The following CROT variants were observed in gnomAD, a reference collection of about 807,000 sequenced individuals.
The protein encoded by CROT is carnitine O-octanoyltransferase.
In CROT, 84 loss-of-function variants were observed where a neutral mutation model predicts 89.2. The observed-to-expected ratio is 0.94, with a 90% CI of 0.79 to 1.13. The LOEUF is 1.13. CROT is among the 50% of genes most tolerant of loss of function. The pLI is 0.00. For synonymous variants in CROT, 212 were observed against 239.5 expected (o/e 0.89, Z 1.06); for missense variants, 711 against 727.8 (o/e 0.98, Z 0.27).
rs537295978 is a variant in CROT at position 87,355,168 on chromosome 7, C to T, written c.116-4038C>T. 4.0e-4 allele frequency among the ~76,000 whole-genome samples: 60 copies of T among 151,846 alleles called. 1 individual carries two copies. The highest frequency in any genetic ancestry group is 6.2e-4 in the South Asian group (3 of 4,816). On this transcript the variant is annotated intron_variant, in intron 3 of 17. Transcript: ENST00000331536. ...AGGCTAGAGTGCAGTGGCAAATTCA[C>T]GGCTCATTGCAGCCTTGACAGCCCA...
chr7:87,394,694 A>C (rs1807468265), intron 17 of CROT, among the ~76,000 whole-genome samples: 1 of 152,162 alleles, frequency 6.6e-6, no homozygotes, highest in African/African-American at 2.4e-5. Flanking sequence ...TATAGCAAAA[A>C]AAATGCCTTT....
At chr7:87,392,923 A>C in intron 16 of CROT, 25 bp from the exon 17 acceptor site, 1 of 1,612,846 alleles carries the variant, frequency 6.2e-7, no homozygotes, top group Non-Finnish European at 8.5e-7. Context: ...GGCCTAGTAA[A>C]ATGTTCTTTT....
At chr7:87,351,909 C>T (rs976740458) in intron 3 of CROT, among the ~76,000 whole-genome samples, 2 of 152,196 alleles carry the variant, frequency 1.3e-5, no homozygotes, top group African/African-American at 2.4e-5. Flanking sequence ...ATTGAACAAA[C>T]GTGCATGTAA....
rs758831385 is a variant in CROT, at chr7:87,361,512, A to G, written c.363A>G (p.Gln121=). The change falls in exon 5 of 18, where the codon CAA becomes CAG. Residue 121 remains glutamine, a synonymous_variant. Coordinates refer to ENST00000331536, the MANE Select transcript of CROT (RefSeq NM_021151.4). ...EHYWPPKEGT[Q]LERGSITLWH... is the part of the protein sequence containing the mutation. ...ACTGGCCTCCAAAGGAAGGGACTCA[A>G]TTAGAAAGAGGAAGTATAACTCTTT... The G allele has an allele frequency of 2.2e-5, 36 of 1,612,188 alleles. No homozygotes were observed. Among genetic ancestry groups the G allele is most frequent in the Non-Finnish European group, 2.8e-5 (33 of 1,179,592 alleles).
chr7:87,376,061 C>T (rs1238704214), intron 9 of CROT, 108 bp downstream of exon 9: 2 of 1,078,486 alleles, frequency 1.9e-6, no homozygotes, highest in Non-Finnish European at 2.6e-6. Context: ...GCTCTTGAAA[C>T]TTTTTCTTAG....
At chr7:87,374,961 G>C (rs1267259403) in intron 7 of CROT, among the ~76,000 whole-genome samples, 1 of 151,966 alleles carries the variant, frequency 6.6e-6, no homozygotes, top group Non-Finnish European at 1.5e-5. Context: ...ATTTTTGACT[G>C]ATGTAAATTT....
At chr7:87,359,471 C>T in intron 4 of CROT, 141 bp downstream of exon 4, 3 of 1,398,202 alleles carry the variant, frequency 2.1e-6, no homozygotes, top group Non-Finnish European at 2.8e-6. Context: ...AGGAATGAAT[C>T]ACTTAACTTT....
chr7:87,396,990 C>T (rs1024981447), intron 17 of CROT, among the ~76,000 whole-genome samples: 21 of 152,128 alleles, frequency 1.4e-4, no homozygotes, highest in African/African-American at 5.1e-4. Context: ...TCCATCATTA[C>T]AAATAATGTA....
At chr7:87,346,094 CG>C (rs1288864889) in intron 1 of CROT, among the ~76,000 whole-genome samples, 2 of 152,184 alleles carry the variant, frequency 1.3e-5, no homozygotes, top group Non-Finnish European at 2.9e-5. Flanking sequence ...CCACTGAAAA[CG>C]TATCCTCTAC....
intron 6 of CROT, among the ~76,000 whole-genome samples, chr7:87,365,434 G>A (rs1237072155): frequency 1.3e-5 from 2 of 151,248 alleles, no homozygotes; most frequent in African/African-American, 4.9e-5. Context: ...AGGTTGCAGT[G>A]AGCCGAGATC....
intron 3 of CROT, among the ~76,000 whole-genome samples, chr7:87,358,073 A>T (rs573308421): frequency 1.2e-4 from 19 of 152,280 alleles, no homozygotes; most frequent in African/African-American, 4.3e-4. Flanking sequence ...CTTCCTTAAC[A>T]ACACTGTTAG....
chr7:87,376,239 C>T (rs1806808224), intron 9 of CROT, among the ~76,000 whole-genome samples: 1 of 152,022 alleles, frequency 6.6e-6, no homozygotes, highest in Admixed American at 6.6e-5. Flanking sequence ...TGCTTGCCTA[C>T]TCAGAAAATT....
intron 17 of CROT, among the ~76,000 whole-genome samples, chr7:87,396,441 GA>G (rs1807525038): frequency 6.6e-6 from 1 of 152,194 alleles, no homozygotes; most frequent in Admixed American, 6.5e-5. Flanking sequence ...GATTATTCAA[GA>G]CTGTTTTTGA....
At chr7:87,357,461 G>A (rs183973074) in intron 3 of CROT, 1 of 1,551,224 alleles carries the variant, frequency 6.4e-7, no homozygotes, top group Non-Finnish European at 8.7e-7. Flanking sequence ...TGCTGTGCAG[G>A]CTGAATCTCC....
intron 4 of CROT, among the ~76,000 whole-genome samples, chr7:87,360,611 G>C (rs1806236584): frequency 6.6e-6 from 1 of 152,166 alleles, no homozygotes; most frequent in Non-Finnish European, 1.5e-5. Flanking sequence ...AAAGTGCTGG[G>C]ATTACAGGTG....
At chr7:87,379,193 C>T (rs779068619) in intron 10 of CROT, among the ~76,000 whole-genome samples, 1 of 152,182 alleles carries the variant, frequency 6.6e-6, no homozygotes, top group Non-Finnish European at 1.5e-5. Flanking sequence ...TTACCCTCTG[C>T]ATACATATTT....
chr7:87,396,903 G>A (rs1192707314), intron 17 of CROT, among the ~76,000 whole-genome samples: 1 of 152,066 alleles, frequency 6.6e-6, no homozygotes, highest in East Asian at 1.9e-4. Context: ...TATGCTTTGA[G>A]ATATTTTGAT....
At chr7:87,361,129 A>AT (rs756941293) in intron 4 of CROT, among the ~76,000 whole-genome samples, 353 of 142,026 alleles carry the variant, frequency 2.5e-3, no homozygotes, top group Middle Eastern at 3.6e-3. Flanking sequence ...CAGCTAATTA[A>AT]TTTTTTTTTT....
At chr7:87,384,733 C>T (rs569068357) in intron 13 of CROT, among the ~76,000 whole-genome samples, 4 of 152,198 alleles carry the variant, frequency 2.6e-5, no homozygotes, top group Non-Finnish European at 2.9e-5. Context: ...TCCCATTCGT[C>T]CATTTCTGCT....
Sources: gnomAD v4.1 joint callset for allele counts (sites outside exome capture counted in the v4.1 genomes callset) on GRCh38, gnomAD v4.1.1 for gene constraint, MANE v1.5 for transcripts, NCBI Gene and HGNC (gene_info 2026-07-23, HGNC 2026-07-21) for gene names.